The following SHISA6 variants were observed in gnomAD, a reference collection of about 807,000 sequenced individuals.
SHISA6 encodes the protein protein shisa-6.
In SHISA6, 22 loss-of-function variants were observed where a neutral mutation model predicts 47.9. That is an observed-to-expected ratio of 0.46 (90% CI 0.33 to 0.66). SHISA6 has a LOEUF of 0.66. Ranked by LOEUF, SHISA6 falls within the 30% of genes least tolerant of loss-of-function variation. The pLI, the probability that SHISA6 is intolerant of heterozygous loss-of-function variation, is 0.02. For synonymous variants in SHISA6, 388 were observed against 337.8 expected, an observed-to-expected ratio of 1.15 and a Z score of -1.63; for missense variants, 680 against 764.6, an observed-to-expected ratio of 0.89 and a Z score of 1.30.
At chr17:11,341,328 CTTTTTT>C (rs71367322) in intron 2 of SHISA6, among the ~76,000 whole-genome samples, 35 of 88,818 alleles carry the variant, frequency 3.9e-4, no homozygotes, top group African/African-American at 5.8e-4. Flanking sequence ...CTCTCTCTCT[CTTTTTT>C]TTTTTTTTTT....
intron 2 of SHISA6, 128 bp downstream of exon 2, chr17:11,263,654 G>A: frequency 1.6e-6 from 2 of 1,228,516 alleles, no homozygotes; most frequent in South Asian, 3.0e-5. Context: ...CAGGCAGGCT[G>A]GCAAAAGATT....
intron 2 of SHISA6, chr17:11,288,444 T>G (rs1303517003): frequency 6.6e-6 from 1 of 152,122 alleles, no homozygotes; most frequent in African/African-American, 2.4e-5. Flanking sequence ...CTTTCTCTCT[T>G]TTTCCTCCTT....
intron 3 of SHISA6, among the ~76,000 whole-genome samples, chr17:11,412,682 C>T (rs952328341): frequency 1.3e-5 from 2 of 152,062 alleles, no homozygotes; most frequent in South Asian, 2.1e-4. Context: ...GCTGGGACTA[C>T]AGGCACCGGC....
rs148342084 is a variant in SHISA6, at chr17:11,438,257, T to C, written c.895+58748T>C. On this transcript the variant is annotated intron_variant, in intron 3 of 5. Coordinates refer to ENST00000441885, the MANE Select transcript of SHISA6 (RefSeq NM_207386.4). ...TTCGACCATGTTTGCATCCTCACTT[T>C]TATCCAAACATTAAACATCAAATTA... Among the ~76,000 whole-genome samples the C allele has an allele frequency of 8.0e-3, 1,218 of 152,340 alleles. 23 individuals carry two copies. The highest frequency in any genetic ancestry group is 0.028 in the African/African-American group (1,147 of 41,578).
At chr17:11,509,987 C>T (rs997413147) in intron 3 of SHISA6, among the ~76,000 whole-genome samples, 3 of 151,992 alleles carry the variant, frequency 2.0e-5, no homozygotes, top group African/African-American at 7.2e-5. Context: ...AGAAGGCAAA[C>T]CTGCAAGGAG....
intron 2 of SHISA6, among the ~76,000 whole-genome samples, chr17:11,339,328 A>G (rs2142211498): frequency 6.6e-6 from 1 of 152,322 alleles, no homozygotes; most frequent in African/African-American, 2.4e-5. Flanking sequence ...AATTGTTTTC[A>G]TTATAATTAT....
At chr17:11,293,123 C>G (rs1202201488) in intron 2 of SHISA6, among the ~76,000 whole-genome samples, 1 of 152,086 alleles carries the variant, frequency 6.6e-6, no homozygotes, top group South Asian at 2.1e-4. Context: ...CTGCGCCCGG[C>G]CTCCAGATTG....
chr17:11,414,312 T>C (rs1295561347), intron 3 of SHISA6, among the ~76,000 whole-genome samples: 1 of 152,172 alleles, frequency 6.6e-6, no homozygotes, highest in Non-Finnish European at 1.5e-5. Context: ...AAGAAAGTTA[T>C]TGGATGGATA....
chr17:11,456,753 A>G (rs1174556098), intron 3 of SHISA6, among the ~76,000 whole-genome samples: 22 of 152,250 alleles, frequency 1.4e-4, no homozygotes, highest in Middle Eastern at 6.8e-3. Context: ...GGCTGTCTCA[A>G]ATATTCTCTT....
intron 3 of SHISA6, among the ~76,000 whole-genome samples, chr17:11,413,652 ACCACGTG>A (rs1032908313): frequency 1.3e-5 from 2 of 152,046 alleles, no homozygotes; most frequent in African/African-American, 4.8e-5. Context: ...GGGCACCAGG[ACCACGTG>A]CCTCTCATCA....
In SHISA6 at chr17:11,361,045, G is replaced by GT. The variant is rs10559558; in HGVS notation, c.800-18358dup. 4.2e-4 allele frequency among the ~76,000 whole-genome samples: 49 copies of GT among 115,990 alleles called. 1 individual carries two copies. The highest frequency in any genetic ancestry group is 1.6e-3 in the African/African-American group (47 of 30,048). The allele number at this position is 115,990 out of a possible 152,430, so 76.1% of individuals were successfully genotyped here. On this transcript the variant is annotated intron_variant, in intron 2 of 5. Transcript: ENST00000441885. ...TAAGTTTACTATGATCTTTTTTCCT[G>GT]TTTTTTTTTTTGTGTGTGTGTTCCA...
chr17:11,556,354 C>A (rs968760851), intron 5 of SHISA6, among the ~76,000 whole-genome samples: 1 of 152,188 alleles, frequency 6.6e-6, no homozygotes. Flanking sequence ...TGAGATCCTT[C>A]ACCTCCCATG....
chr17:11,467,220 G>A (rs779482094), intron 3 of SHISA6, among the ~76,000 whole-genome samples: 17 of 152,172 alleles, frequency 1.1e-4, no homozygotes, highest in South Asian at 6.2e-4. Context: ...TTTAGTAAGC[G>A]TCTACCATGT....
At chr17:11,540,117 G>A (rs368478685) in intron 3 of SHISA6, among the ~76,000 whole-genome samples, 5 of 152,062 alleles carry the variant, frequency 3.3e-5, no homozygotes, top group East Asian at 3.9e-4. Context: ...CCATCTGCCC[G>A]AACCCCCACA....
intron 3 of SHISA6, among the ~76,000 whole-genome samples, chr17:11,515,477 T>G (rs2071578517): frequency 6.6e-6 from 1 of 151,962 alleles, no homozygotes; most frequent in African/African-American, 2.4e-5. Context: ...GACAAGATTC[T>G]TGGGCAACTG....
At chr17:11,548,440 C>CATATATAT (rs10578711) in intron 3 of SHISA6, among the ~76,000 whole-genome samples, 6,774 of 148,532 alleles carry the variant, frequency 0.046, 182 homozygotes, top group Middle Eastern at 0.068. Context: ...ATGCATATTT[C>CATATATAT]ATATATATAT....
intron 1 of SHISA6, among the ~76,000 whole-genome samples, chr17:11,248,381 A>G (rs1348473301): frequency 6.6e-6 from 1 of 152,190 alleles, no homozygotes; most frequent in African/African-American, 2.4e-5. Flanking sequence ...AAATTCAGAG[A>G]GGCTAGGTCA....
rs183390988 is a variant in SHISA6, at chr17:11,443,531, G to T, written c.895+64022G>T. 2.7e-3 allele frequency among the ~76,000 whole-genome samples: 415 copies of T among 152,276 alleles called. 2 individuals carry two copies. The highest frequency in any genetic ancestry group is 9.6e-3 in the African/African-American group (400 of 41,558). ...AAGATTCACAGGGTTGGAGACATTG[G>T]GGCTGAGTAGAGGCATGGTTGTAGA... On this transcript the variant is annotated intron_variant, in intron 3 of 5. Coordinates refer to ENST00000441885, the MANE Select transcript of SHISA6 (RefSeq NM_207386.4).
chr17:11,515,312 A>AAAAGGAAG (rs1392403304), intron 3 of SHISA6, among the ~76,000 whole-genome samples: 26 of 113,154 alleles, frequency 2.3e-4, no homozygotes, highest in Non-Finnish European at 3.6e-4. Flanking sequence ...GGAAGAAAGA[A>AAAAGGAAG]AAAGGAAGGA....
Sources: allele counts gnomAD v4.1 joint callset (sites outside exome capture counted in the v4.1 genomes callset), GRCh38; gene constraint gnomAD v4.1.1; transcripts MANE v1.5; gene names NCBI Gene and HGNC (gene_info 2026-07-23, HGNC 2026-07-21).